Variants in SHANK2 observed in about 807,000 individuals in gnomAD.
SHANK2 encodes SH3 and multiple ankyrin repeat domains 2, also known as SH3 and multiple ankyrin repeat domains protein 2.
In SHANK2, 43 loss-of-function variants were observed where a neutral mutation model predicts 133.7. That is an observed-to-expected ratio of 0.32 (90% confidence interval 0.25 to 0.41). The LOEUF (loss-of-function observed/expected upper bound fraction) is 0.41, where lower values mean the gene tolerates loss of function less well. SHANK2 is among the 10% of genes least tolerant of loss of function. The pLI is 1.00. For missense variants in SHANK2, 1,994 were observed against 2,235.8 expected (o/e 0.89, Z 2.18); for synonymous variants, 1,017 against 952.8 (o/e 1.07, Z -1.24).
chr11:70,694,291 G>A (rs1329556117), intron 15 of SHANK2, among the ~76,000 whole-genome samples: 1 of 152,228 alleles, frequency 6.6e-6, no homozygotes, highest in Non-Finnish European at 1.5e-5. Flanking sequence ...CCCAGGGAGG[G>A]AATTGGCTGG....
At chr11:70,714,842 A>G (rs2134610665) in intron 14 of SHANK2, among the ~76,000 whole-genome samples, 1 of 151,736 alleles carries the variant, frequency 6.6e-6, no homozygotes, top group Middle Eastern at 3.4e-3. Context: ...ATCTTGTTCT[A>G]TTGCCCAGGC....
chr11:70,914,498 T>TGCA (rs1590827445), intron 10 of SHANK2, among the ~76,000 whole-genome samples: 1 of 151,442 alleles, frequency 6.6e-6, no homozygotes, highest in East Asian at 1.9e-4. Flanking sequence ...ACAACGCCCT[T>TGCA]GCAAACACAC....
chr11:71,092,359 G>A, intron 8 of SHANK2, 63 bp downstream of exon 8: 1 of 1,533,302 alleles, frequency 6.5e-7, no homozygotes, highest in Non-Finnish European at 8.8e-7. Context: ...TTATCTGCGG[G>A]ATCGGAGGAG....
chr11:70,828,780 G>A (rs1948684479), intron 11 of SHANK2, among the ~76,000 whole-genome samples: 1 of 152,226 alleles, frequency 6.6e-6, no homozygotes, highest in African/African-American at 2.4e-5. Flanking sequence ...GGACCCGGCT[G>A]GTCGTGTGCT....
intron 14 of SHANK2, among the ~76,000 whole-genome samples, chr11:70,790,722 T>G (rs1947769672): frequency 6.6e-6 from 1 of 152,204 alleles, no homozygotes. Flanking sequence ...GTCTACGTCC[T>G]ACTGGTTCTG....
intron 9 of SHANK2, among the ~76,000 whole-genome samples, chr11:71,069,340 C>A (rs1951111603): frequency 6.6e-6 from 1 of 151,974 alleles, no homozygotes; most frequent in Non-Finnish European, 1.5e-5. Flanking sequence ...ATCATCACCA[C>A]CTTCATCATT....
At chr11:70,918,566 A>T (rs1440770456) in intron 10 of SHANK2, among the ~76,000 whole-genome samples, 1 of 152,082 alleles carries the variant, frequency 6.6e-6, no homozygotes, top group Non-Finnish European at 1.5e-5. Context: ...AATGCAGCGG[A>T]GCAATCTCGG....
rs1023271524 is a variant in SHANK2 at position 71,104,454 on chromosome 11, C to T, written c.592+5487G>A. ...TGTCTGCATTTCAGTCAGGAGGATG[C>T]GTATCCGTCCCTTATGCTCTGCCTT... On this transcript the variant is annotated intron_variant, in intron 6 of 25. Transcript: ENST00000601538. Among the ~76,000 whole-genome samples, 3 of 152,282 alleles carry T rather than the reference C, an allele frequency of 2.0e-5. 1 individual carries two copies. In the South Asian group the frequency reaches 6.2e-4, roughly 32 times the overall value.
intron 17 of SHANK2, among the ~76,000 whole-genome samples, chr11:70,636,700 T>C (rs533407717): frequency 9.8e-4 from 51 of 52,206 alleles, no homozygotes; most frequent in African/African-American, 2.3e-3. Context: ...TGTAAGCACG[T>C]GTGTGAACAT....
intron 17 of SHANK2, among the ~76,000 whole-genome samples, chr11:70,646,860 T>G (rs570865428): frequency 6.6e-6 from 1 of 151,078 alleles, no homozygotes; most frequent in East Asian, 1.9e-4. Flanking sequence ...TTTATTTATT[T>G]ATTTATTTAT....
At chr11:70,661,454 T>G (rs1263649422) in intron 16 of SHANK2, 142 bp downstream of exon 16, 3 of 895,894 alleles carry the variant, frequency 3.3e-6, no homozygotes, top group Non-Finnish European at 3.5e-6. Context: ...AAAATGCTTA[T>G]TTAATGCTTA....
intron 1 of SHANK2, among the ~76,000 whole-genome samples, chr11:71,248,960 G>C (rs1948132303): frequency 6.6e-6 from 1 of 152,138 alleles, no homozygotes; most frequent in African/African-American, 2.4e-5. Flanking sequence ...CAGCCCTTGT[G>C]GCCAGTCCAG....
At chr11:70,801,889 T>A (rs1206737111) in intron 13 of SHANK2, among the ~76,000 whole-genome samples, 4 of 152,156 alleles carry the variant, frequency 2.6e-5, no homozygotes, top group Non-Finnish European at 5.9e-5. Context: ...ACCCTGTCCC[T>A]GGAGCCCCAG....
intron 17 of SHANK2, among the ~76,000 whole-genome samples, chr11:70,549,283 G>C (rs1230674515): frequency 6.6e-6 from 1 of 152,208 alleles, no homozygotes; most frequent in Non-Finnish European, 1.5e-5. Flanking sequence ...CACGCCGACT[G>C]AGCCAAAGGC....
chr11:70,791,640 G>A (rs967649714), intron 14 of SHANK2, among the ~76,000 whole-genome samples: 3 of 152,182 alleles, frequency 2.0e-5, no homozygotes, highest in Admixed American at 2.0e-4. Flanking sequence ...ACCCGGATAT[G>A]TTTCTGTTTC....
At chr11:70,495,437 A>G (rs1223161191) in intron 21 of SHANK2, among the ~76,000 whole-genome samples, 1 of 152,116 alleles carries the variant, frequency 6.6e-6, no homozygotes, top group Non-Finnish European at 1.5e-5. Context: ...GCCGGCTGTG[A>G]TGTGCAACTC....
chr11:70,872,516 C>T (rs1389166185), intron 11 of SHANK2: 1 of 152,510 alleles, frequency 6.6e-6, no homozygotes, highest in African/African-American at 2.4e-5. Flanking sequence ...GCTTGGTGGA[C>T]ACAGTGGGTG....
At chr11:70,937,576 C>T (rs1386619244) in intron 10 of SHANK2, among the ~76,000 whole-genome samples, 1 of 152,202 alleles carries the variant, frequency 6.6e-6, no homozygotes, top group Non-Finnish European at 1.5e-5. Flanking sequence ...GGCAAGTGTG[C>T]AAAAGATGGG....
At chr11:70,828,973 T>C (rs941954333) in intron 11 of SHANK2, among the ~76,000 whole-genome samples, 1 of 152,198 alleles carries the variant, frequency 6.6e-6, no homozygotes, top group Non-Finnish European at 1.5e-5. Flanking sequence ...CCTGCCATGG[T>C]GTGGGGAGAG....
Sources: allele counts gnomAD v4.1 joint callset (sites outside exome capture counted in the v4.1 genomes callset), GRCh38; gene constraint gnomAD v4.1.1; transcripts MANE v1.5; gene names NCBI Gene and HGNC (gene_info 2026-07-23, HGNC 2026-07-21).